SESN3: variants seen among roughly 807,000 people sequenced by gnomAD.
SESN3 encodes sestrin 3, also known as sestrin-3.
A neutral mutation model predicts 55.3 loss-of-function variants in SESN3; 21 were observed. The observed-to-expected ratio is 0.38, with a 90% CI of 0.27 to 0.55. SESN3 has a LOEUF of 0.55. SESN3 is among the 20% of genes least tolerant of loss of function. The pLI, the probability that SESN3 is intolerant of heterozygous loss-of-function variation, is 0.76. For missense variants in SESN3, 408 were observed against 604.3 expected, an observed-to-expected ratio of 0.68 and a Z score of 3.41; for synonymous variants, 181 against 203.1, an observed-to-expected ratio of 0.89 and a Z score of 0.93.
At chr11:95,215,897 G>C (rs1248951264) in intron 1 of SESN3, among the ~76,000 whole-genome samples, 2 of 151,990 alleles carry the variant, frequency 1.3e-5, no homozygotes, top group Non-Finnish European at 2.9e-5. Flanking sequence ...AGGAGATCGA[G>C]ACCATCCTGG....
intron 1 of SESN3, among the ~76,000 whole-genome samples, chr11:95,197,562 A>G (rs1372007148): frequency 6.6e-6 from 1 of 151,328 alleles, no homozygotes; most frequent in Non-Finnish European, 1.5e-5. Flanking sequence ...CTCCTGCCTC[A>G]GCCTCCCGAG....
chr11:95,216,650 C>A (rs551753336), intron 1 of SESN3, among the ~76,000 whole-genome samples: 1 of 152,026 alleles, frequency 6.6e-6, no homozygotes, highest in African/African-American at 2.4e-5. Flanking sequence ...CCATTTTCCA[C>A]TGTGACAAAT....
rs60853757 is a variant in SESN3, at chr11:95,197,082, C to T, written c.79-3560G>A. 8.8e-3 allele frequency among the ~76,000 whole-genome samples: 1,336 copies of T among 152,086 alleles called. 22 individuals are homozygous for T. The highest frequency in any genetic ancestry group is 0.03 in the African/African-American group (1,253 of 41,482). ...AGTCCCCAGAAAAGTATCAAGGGCA[C>T]GCTCACTTTCCTTCCTTCTTTCTTT... On this transcript the variant is annotated intron_variant, in intron 1 of 9. Transcript: ENST00000536441.
At chr11:95,198,367 A>G (rs671466) in intron 1 of SESN3, among the ~76,000 whole-genome samples, 1 of 151,662 alleles carries the variant, frequency 6.6e-6, no homozygotes, top group Non-Finnish European at 1.5e-5. Flanking sequence ...AAAAGAACCC[A>G]AAACGAAAAC....
Position 95,165,573 on chromosome 11 carries a change from A to G in SESN3, c.*7682T>C, listed in dbSNP as rs1409441204. 2 of 152,202 alleles carry G rather than the reference A, an allele frequency of 1.3e-5. No homozygotes were observed. The highest frequency in any genetic ancestry group is 2.9e-5 in the Non-Finnish European group (2 of 68,022). The allele number at this position is 152,202 out of a possible 1,614,324, so 9.4% of individuals were successfully genotyped here. A position where few individuals can be genotyped will look rare whatever the true frequency, so the allele number is the denominator to read the frequency against. On this transcript the variant is annotated 3_prime_UTR_variant, in exon 10 of 10. Transcript: ENST00000536441. ...CAGTTTTGCCAATTTTATTGAACCA[A>G]TAAAATTCCTACTAATAACAATGAA...
rs778079814 is a variant in SESN3 at position 95,184,447 on chromosome 11, C to T, written c.910G>A (p.Asp304Asn). 1 of 1,613,590 alleles carries T rather than the reference C, an allele frequency of 6.2e-7. No individual in the cohort carries two copies. Among genetic ancestry groups the T allele is most frequent in the Admixed American group, 1.7e-5 (1 of 59,900 alleles). Residue 304 changes from aspartate (D) to asparagine (N), a missense_variant, in exon 6 of 10, where the codon GAT becomes AAT. Physicochemically the swap from Asp to Asn is conservative, Grantham distance 23. Coordinates refer to ENST00000536441, the MANE Select transcript of SESN3 (RefSeq NM_144665.4). The stretch of plus-strand genomic sequence containing the variant: ...GAATGAGGAAATGAATGAAAAGTAT[C>T]TCCAGAGACCACAAAAAGACTTTCT... ...KKESLFVVSG[D>N]TFHSFPHSDF...
intron 1 of SESN3, among the ~76,000 whole-genome samples, chr11:95,202,117 C>T (rs1039230934): frequency 6.6e-6 from 1 of 152,014 alleles, no homozygotes; most frequent in East Asian, 1.9e-4. Context: ...GTTTCTCTCT[C>T]TTATAGCTAT....
At chr11:95,200,182 A>G (rs931180387) in intron 1 of SESN3, among the ~76,000 whole-genome samples, 7 of 152,092 alleles carry the variant, frequency 4.6e-5, no homozygotes, top group Non-Finnish European at 8.8e-5. Flanking sequence ...AGTAGGTATA[A>G]ACAGGCAGCT....
chr11:95,223,853 C>T (rs1045458981), intron 1 of SESN3, among the ~76,000 whole-genome samples: 7 of 152,008 alleles, frequency 4.6e-5, no homozygotes, highest in African/African-American at 1.7e-4. Context: ...TTGGGGACCC[C>T]AAAGAGCCTT....
intron 1 of SESN3, chr11:95,200,970 A>G (rs972531364): frequency 6.6e-6 from 1 of 152,042 alleles, no homozygotes; most frequent in Admixed American, 6.6e-5. Flanking sequence ...TACCTTGTTC[A>G]TCTTTGACTA....
At chr11:95,183,428 T>C (rs1308180028) in intron 6 of SESN3, among the ~76,000 whole-genome samples, 3 of 152,180 alleles carry the variant, frequency 2.0e-5, no homozygotes, top group Non-Finnish European at 2.9e-5. Context: ...CAATGTTTTA[T>C]GTTTAACATT....
chr11:95,224,027 G>A (rs1860906308), intron 1 of SESN3, among the ~76,000 whole-genome samples: 1 of 152,160 alleles, frequency 6.6e-6, no homozygotes, highest in South Asian at 2.1e-4. Flanking sequence ...CATAAAAAGT[G>A]AGAAGAGTGA....
chr11:95,221,336 T>C (rs990957384), intron 1 of SESN3, among the ~76,000 whole-genome samples: 2 of 151,996 alleles, frequency 1.3e-5, no homozygotes, highest in Non-Finnish European at 1.5e-5. Context: ...TTTCAGATAA[T>C]TACAATGATC....
chr11:95,217,240 A>C (rs1860776874), intron 1 of SESN3, among the ~76,000 whole-genome samples: 1 of 152,230 alleles, frequency 6.6e-6, no homozygotes, highest in Non-Finnish European at 1.5e-5. Context: ...GGTCACCCAT[A>C]TCAATGTATG....
intron 6 of SESN3, among the ~76,000 whole-genome samples, chr11:95,182,477 A>T (rs1860075158): frequency 6.6e-6 from 1 of 152,090 alleles, no homozygotes; most frequent in Admixed American, 6.6e-5. Context: ...TACCCTTTGT[A>T]TTCCAAGAGT....
chr11:95,204,484 C>A (rs1219591077), intron 1 of SESN3, among the ~76,000 whole-genome samples: 1 of 151,836 alleles, frequency 6.6e-6, no homozygotes, highest in Non-Finnish European at 1.5e-5. Context: ...GTTCCTGTCC[C>A]CCCCCTCAAA....
intron 1 of SESN3, among the ~76,000 whole-genome samples, chr11:95,214,907 A>G (rs1860723897): frequency 6.6e-6 from 1 of 152,168 alleles, no homozygotes. Context: ...TCAAAACCCA[A>G]TTCCTTTTTC....
At position 95,173,257 on chromosome 11, in the gene SESN3, A is replaced by C. The variant is rs1182583944; in HGVS notation, c.1477T>G (p.Ter493GlyextTer18). ...ALRAITRHLT[*>G] ...TGACATTTTCCTTGGGTGATACTTC[A>C]GGTCAAATGCCGAGTTATGGCACGA... Residue 493 changes from the stop codon to glycine, a stop_lost, in exon 10 of 10, where the codon TGA becomes GGA. Transcript: ENST00000536441. 1 of 1,563,944 alleles carries C rather than the reference A, an allele frequency of 6.4e-7. No individual in the cohort carries two copies. Among genetic ancestry groups the C allele is most frequent in the Admixed American group, 1.7e-5 (1 of 59,698 alleles).
At chr11:95,215,436 C>T (rs1860733892) in intron 1 of SESN3, among the ~76,000 whole-genome samples, 1 of 152,086 alleles carries the variant, frequency 6.6e-6, no homozygotes, top group Non-Finnish European at 1.5e-5. Context: ...TTAAATAAAA[C>T]GATAGCTACG....
Sources: allele counts gnomAD v4.1 joint callset (sites outside exome capture counted in the v4.1 genomes callset), GRCh38; gene constraint gnomAD v4.1.1; transcripts MANE v1.5; gene names NCBI Gene and HGNC (gene_info 2026-07-23, HGNC 2026-07-21).